The following C4BPA variants were observed in gnomAD, a reference collection of about 807,000 sequenced individuals.
C4BPA encodes C4b-binding protein alpha chain.
A neutral mutation model predicts 63.7 loss-of-function variants in C4BPA; 31 were observed. That is an observed-to-expected ratio of 0.49 (90% CI 0.37 to 0.66). C4BPA has a LOEUF of 0.66. Among genes scored for constraint, C4BPA ranks in the 30% least tolerant of loss-of-function variants. The pLI, the probability that C4BPA is intolerant of heterozygous loss-of-function variation, is 0.00. For missense variants in C4BPA, 572 were observed against 723.3 expected (o/e 0.79, Z 2.40); for synonymous variants, 259 against 254.7 (o/e 1.02, Z -0.16).
intron 1 of C4BPA, among the ~76,000 whole-genome samples, chr1:207,106,224 C>T (rs975897799): frequency 3.3e-5 from 5 of 152,108 alleles, no homozygotes; most frequent in African/African-American, 9.6e-5. Flanking sequence ...CTGCAAATGC[C>T]GTAGTTGGAG....
intron 1 of C4BPA, among the ~76,000 whole-genome samples, chr1:207,107,587 G>A (rs553827211): frequency 2.6e-5 from 4 of 152,176 alleles, no homozygotes; most frequent in South Asian, 2.1e-4. Context: ...GGAAGGGTAA[G>A]TGCCTCCTTG....
intron 8 of C4BPA, among the ~76,000 whole-genome samples, chr1:207,132,687 T>A (rs1472079561): frequency 6.6e-6 from 1 of 152,190 alleles, no homozygotes; most frequent in Non-Finnish European, 1.5e-5. Context: ...ATTACTTAAA[T>A]AACAAAAAGT....
intron 4 of C4BPA, among the ~76,000 whole-genome samples, chr1:207,118,177 A>G (rs12073842): frequency 4.7e-5 from 7 of 147,460 alleles, no homozygotes; most frequent in African/African-American, 1.8e-4. Flanking sequence ...CTATCTATCT[A>G]TATCTATCTA....
In C4BPA at chr1:207,116,508, GTGTGTATA is replaced by G. The variant is rs1208898440; in HGVS notation, c.428+999_428+1006del. The stretch of plus-strand genomic sequence containing the variant: ...AACTTTTCCCACAGTGTGTGTGTGT[GTGTGTATA>G]TGTGTGTGTGTGTGTGTGTGTGTGT... On this transcript the variant is annotated intron_variant, in intron 4 of 11. Transcript: ENST00000367070. Among the ~76,000 whole-genome samples, 217 of 41,294 alleles carry G rather than the reference GTGTGTATA, an allele frequency of 5.3e-3. 2 individuals are homozygous for G. The East Asian group carries it at 0.089, about 17-fold the overall frequency. 27.1% of individuals were successfully genotyped at this position (41,294 alleles called of 152,430 possible).
intron 4 of C4BPA, among the ~76,000 whole-genome samples, chr1:207,116,680 C>T (rs1157233527): frequency 6.6e-6 from 1 of 151,598 alleles, no homozygotes; most frequent in East Asian, 1.9e-4. Context: ...TGTCCTAAGG[C>T]CTTCCCCAAT....
At chr1:207,140,101 A>C (rs1195901950) in intron 9 of C4BPA, among the ~76,000 whole-genome samples, 2 of 152,172 alleles carry the variant, frequency 1.3e-5, no homozygotes, top group Non-Finnish European at 2.9e-5. Context: ...GCATTTATTT[A>C]GCTTCTGAGG....
chr1:207,143,880 G>C lies in C4BPA; in HGVS notation c.1507G>C (p.Glu503Gln). ...RLSVDKDQYVEPENVTIQCDS... is the reference protein window; with the variant it reads ...RLSVDKDQYVQPENVTIQCDS... ...GTCTGTGGATAAGGATCAGTATGTT[G>C]AGCCTGAAAATGTCACCATCCAATG... is the stretch of plus-strand genomic sequence containing the variant. Residue 503 changes from glutamate to glutamine, a missense_variant, in exon 11 of 12, where the codon GAG becomes CAG. Around this residue, in one of 2 missense-constraint regions of C4BPA, gnomAD observed 465 missense variants for 629.4 expected, o/e 0.74. Transcript: ENST00000367070. The C allele has an allele frequency of 6.2e-7, 1 of 1,613,350 alleles. No homozygotes were observed. Among genetic ancestry groups the C allele is most frequent in the Non-Finnish European group, 8.5e-7 (1 of 1,179,488 alleles).
intron 3 of C4BPA, chr1:207,114,766 T>C (rs978074308): frequency 6.1e-6 from 1 of 163,194 alleles, no homozygotes; most frequent in Non-Finnish European, 1.3e-5. Context: ...AGTGCTGATA[T>C]TACAGGTATG....
intron 11 of C4BPA, among the ~76,000 whole-genome samples, 156 bp downstream of exon 11, chr1:207,144,149 A>C (rs1685481662): frequency 6.6e-6 from 1 of 152,190 alleles, no homozygotes; most frequent in Admixed American, 6.5e-5. Flanking sequence ...GTCTTGAAGC[A>C]TTCTGGTAAG....
intron 2 of C4BPA, 32 bp from the exon 3 acceptor site, chr1:207,114,068 G>C (rs745587081): frequency 1.9e-6 from 3 of 1,591,842 alleles, no homozygotes; most frequent in Non-Finnish European, 2.6e-6. Context: ...CAAGGTATAA[G>C]TTTTGGTGCT....
At chr1:207,117,753 T>C (rs1480265457) in intron 4 of C4BPA, among the ~76,000 whole-genome samples, 1 of 152,094 alleles carries the variant, frequency 6.6e-6, no homozygotes, top group Non-Finnish European at 1.5e-5. Context: ...GTGATAAGAG[T>C]GTTCTTTTCC....
At chr1:207,107,760 T>G (rs1684588942) in intron 1 of C4BPA, among the ~76,000 whole-genome samples, 1 of 152,168 alleles carries the variant, frequency 6.6e-6, no homozygotes, top group African/African-American at 2.4e-5. Flanking sequence ...CTTATAAATG[T>G]TTGAAGGCTT....
intron 3 of C4BPA, chr1:207,114,572 C>A (rs1441949814): frequency 8.7e-6 from 2 of 229,488 alleles, no homozygotes; most frequent in East Asian, 3.3e-4. Context: ...TGGCTCCCTG[C>A]AACCTCTGCC....
chr1:207,128,460 C>T (rs1409686376), intron 7 of C4BPA, among the ~76,000 whole-genome samples: 2 of 152,162 alleles, frequency 1.3e-5, no homozygotes, highest in Admixed American at 6.5e-5. Flanking sequence ...AACACTCTGC[C>T]CCTTTCAAGG....
At chr1:207,137,099 CCTCT>C (rs953609821) in intron 9 of C4BPA, among the ~76,000 whole-genome samples, 44 of 152,280 alleles carry the variant, frequency 2.9e-4, no homozygotes, top group African/African-American at 9.4e-4. Context: ...CAGACTTTAC[CCTCT>C]TGGGAAGATC....
At chr1:207,134,133 C>A (rs1184710628) in intron 8 of C4BPA, among the ~76,000 whole-genome samples, 1 of 152,196 alleles carries the variant, frequency 6.6e-6, no homozygotes, top group African/African-American at 2.4e-5. Context: ...TAGGCATGAG[C>A]TACCACACCT....
chr1:207,113,153 T>C lies in C4BPA; in HGVS notation c.128T>C (p.Leu43Ser). ...LFQMTLIAAL[L>S]PAVLGNCGPP... is the part of the protein sequence containing the mutation. ...CAAATGACCTTGATCGCTGCTCTGT[T>C]GCCTGCTGTTCTTGGTGAGTAGTGG... The change falls in exon 2 of 12, where the codon TTG (leucine) becomes TCG (serine). Residue 43 changes from leucine to serine, a missense_variant. By Grantham distance (145) the Leu-to-Ser change is moderately radical. Transcript: ENST00000367070. 1 of 1,611,000 alleles carries C rather than the reference T, an allele frequency of 6.2e-7. No individual in the cohort carries two copies. The highest frequency in any genetic ancestry group is 1.3e-5 in the African/African-American group (1 of 74,808).
At chr1:207,118,583 C>A (rs987045783) in intron 4 of C4BPA, among the ~76,000 whole-genome samples, 1 of 152,140 alleles carries the variant, frequency 6.6e-6, no homozygotes, top group African/African-American at 2.4e-5. Context: ...GGGTAACTGC[C>A]CCCATGATTC....
rs572252845 is a variant in C4BPA at position 207,137,563 on chromosome 1, G to T, written c.1273+2971G>T. Among the ~76,000 whole-genome samples, 6 of 152,058 alleles carry T rather than the reference G, an allele frequency of 3.9e-5. No homozygotes were observed. In the South Asian group the frequency reaches 1.2e-3, roughly 32 times the overall value. On this transcript the variant is annotated intron_variant, in intron 9 of 11. Transcript: ENST00000367070. ...TTATTATCAGAAGAAAGGAATATCT[G>T]GTTTATGATAAGGGGTTGTGGAGAT...
Sources: allele counts gnomAD v4.1 joint callset (sites outside exome capture counted in the v4.1 genomes callset), GRCh38; gene constraint gnomAD v4.1.1; regional missense constraint gnomAD v4.1.1; transcripts MANE v1.5; gene names NCBI Gene and HGNC (gene_info 2026-07-23, HGNC 2026-07-21).